The following SNX29 variants were observed in gnomAD, a reference collection of about 807,000 sequenced individuals.
SNX29 encodes the protein sorting nexin 29.
A neutral mutation model predicts 102.1 loss-of-function variants in SNX29; 78 were observed. The observed-to-expected ratio is 0.76, with a 90% confidence interval of 0.64 to 0.92. The LOEUF is 0.92. SNX29 is among the 40% of genes least tolerant of loss of function. SNX29 has a pLI of 0.00. For synonymous variants in SNX29, 580 were observed against 414.5 expected, an observed-to-expected ratio of 1.40 and a Z score of -4.85; for missense variants, 1,280 against 1,061.7, an observed-to-expected ratio of 1.21 and a Z score of -2.86.
chr16:12,548,599 G>C lies in SNX29; in HGVS notation c.2319-19907G>C, dbSNP rs1260120064. 2.6e-5 allele frequency among the ~76,000 whole-genome samples: 4 copies of C among 152,130 alleles called. No individual in the cohort carries two copies. In the East Asian group the frequency reaches 5.8e-4, roughly 22 times the overall value. On this transcript the variant is annotated intron_variant, in intron 20 of 20. Transcript: ENST00000566228. Reference sequence around the variant, plus strand: ...CCCTGTAAGTCCCACTCCAGGCCCGGGTACTCTGTCCAAGCCCCACAGCAG... The same window carrying C: ...CCCTGTAAGTCCCACTCCAGGCCCGCGTACTCTGTCCAAGCCCCACAGCAG...
chr16:12,377,647 A>G (rs1362224825), intron 16 of SNX29, among the ~76,000 whole-genome samples: 1 of 152,182 alleles, frequency 6.6e-6, no homozygotes, highest in African/African-American at 2.4e-5. Flanking sequence ...TAGGCAATCA[A>G]CAGATAGTAG....
intron 20 of SNX29, among the ~76,000 whole-genome samples, chr16:12,548,748 G>C (rs912912459): frequency 6.6e-6 from 1 of 152,158 alleles, no homozygotes; most frequent in Non-Finnish European, 1.5e-5. Context: ...GGTGTTTTCT[G>C]TGCTGAGCTC....
chr16:12,537,656 C>G (rs559427779), intron 20 of SNX29, among the ~76,000 whole-genome samples: 35 of 152,258 alleles, frequency 2.3e-4, no homozygotes, highest in African/African-American at 8.4e-4. Flanking sequence ...CAGTTGTTTG[C>G]CCTACTTCAT....
intron 18 of SNX29, among the ~76,000 whole-genome samples, chr16:12,473,008 A>T (rs1205538871): frequency 1.3e-5 from 2 of 152,140 alleles, no homozygotes; most frequent in Admixed American, 6.5e-5. Context: ...AGAAGAGGTC[A>T]ACTCTTTTTA....
At chr16:12,563,678 G>C (rs1479026658) in intron 20 of SNX29, among the ~76,000 whole-genome samples, 3 of 152,218 alleles carry the variant, frequency 2.0e-5, no homozygotes, top group Admixed American at 6.5e-5. Flanking sequence ...GAGAGCCCAT[G>C]ATGGGGTCTG....
intron 10 of SNX29, among the ~76,000 whole-genome samples, chr16:12,071,882 T>G (rs1012617750): frequency 2.0e-5 from 3 of 152,256 alleles, no homozygotes; most frequent in Non-Finnish European, 2.9e-5. Context: ...GAAGAGGTCC[T>G]TCACGTCCCT....
intron 3 of SNX29, among the ~76,000 whole-genome samples, chr16:12,006,145 G>A (rs1037685682): frequency 2.0e-5 from 3 of 151,492 alleles, no homozygotes; most frequent in Admixed American, 6.6e-5. Context: ...TCAAGGCTGC[G>A]GTGAGCTATG....
chr16:12,182,210 T>TA (rs1204271402), intron 13 of SNX29, among the ~76,000 whole-genome samples: 1 of 131,680 alleles, frequency 7.6e-6, no homozygotes, highest in African/African-American at 2.6e-5. Context: ...TTTTTTTTTT[T>TA]AATGGGGATT....
chr16:12,394,822 C>G (rs1184101065), intron 16 of SNX29, among the ~76,000 whole-genome samples: 2 of 152,224 alleles, frequency 1.3e-5, no homozygotes. Flanking sequence ...TCACAGTGAT[C>G]TCTCTTGTCC....
At chr16:12,403,291 C>T (rs1476278614) in intron 17 of SNX29, among the ~76,000 whole-genome samples, 157 bp from the exon 18 acceptor site, 1 of 148,488 alleles carries the variant, frequency 6.7e-6, no homozygotes, top group African/African-American at 2.5e-5. Context: ...TTAAACTTGT[C>T]CTTTAGCTTG....
chr16:12,233,869 T>C (rs2077844116), intron 14 of SNX29, among the ~76,000 whole-genome samples: 1 of 152,208 alleles, frequency 6.6e-6, no homozygotes, highest in African/African-American at 2.4e-5. Context: ...TGGCGGTTTG[T>C]GATAGGTTTC....
chr16:12,151,643 G>A (rs540168290), intron 13 of SNX29, among the ~76,000 whole-genome samples: 3 of 152,236 alleles, frequency 2.0e-5, no homozygotes, highest in African/African-American at 4.8e-5. Context: ...AGAGAGGGTG[G>A]TCCTCCACCT....
In SNX29 at chr16:12,055,635, G is replaced by C. The variant is rs564740155; in HGVS notation, c.1124+3413G>C. Among the ~76,000 whole-genome samples the C allele has an allele frequency of 7.2e-5, 11 of 152,296 alleles. No individual in the cohort carries two copies. The East Asian group carries it at 2.1e-3, about 29-fold the overall frequency. On this transcript the variant is annotated intron_variant, in intron 8 of 20. Transcript: ENST00000566228. ...ACTGGAGACCCAGGGAAGAGTTGCA[G>C]TTCAGGTCCAGAGGCAATCTGCTGG...
intron 16 of SNX29, among the ~76,000 whole-genome samples, chr16:12,380,784 C>CCCACCCACCAT (rs1215347126): frequency 3.3e-5 from 2 of 60,132 alleles, no homozygotes; most frequent in East Asian, 1.1e-3. Context: ...CATCCATCCA[C>CCCACCCACCAT]CCATCCACCC....
chr16:12,418,613 C>A (rs895758019), intron 18 of SNX29, among the ~76,000 whole-genome samples: 4 of 152,038 alleles, frequency 2.6e-5, no homozygotes, highest in Non-Finnish European at 5.9e-5. Flanking sequence ...CTCCCGGATT[C>A]AAGTGATTCT....
chr16:12,287,949 C>A (rs2079653018), intron 15 of SNX29, among the ~76,000 whole-genome samples: 1 of 152,168 alleles, frequency 6.6e-6, no homozygotes, highest in Non-Finnish European at 1.5e-5. Context: ...TTAGGTTTTT[C>A]ATGGCATTTT....
chr16:12,066,571 C>T (rs750923056), intron 9 of SNX29, among the ~76,000 whole-genome samples: 1 of 152,182 alleles, frequency 6.6e-6, no homozygotes, highest in East Asian at 1.9e-4. Context: ...GTCGTCTTCA[C>T]GGAGGTGAGA....
chr16:12,396,879 G>A (rs550702963), intron 16 of SNX29, among the ~76,000 whole-genome samples: 1 of 152,180 alleles, frequency 6.6e-6, no homozygotes, highest in Non-Finnish European at 1.5e-5. Context: ...GTACAAAAAA[G>A]TTCAAAATAG....
intron 14 of SNX29, among the ~76,000 whole-genome samples, chr16:12,249,748 G>T (rs1477852746): frequency 6.6e-6 from 1 of 152,186 alleles, no homozygotes; most frequent in Non-Finnish European, 1.5e-5. Flanking sequence ...ACATGTAAAA[G>T]TTCTTAGACT....
Sources: gnomAD v4.1 joint callset for allele counts (sites outside exome capture counted in the v4.1 genomes callset) on GRCh38, gnomAD v4.1.1 for gene constraint, MANE v1.5 for transcripts, NCBI Gene and HGNC (gene_info 2026-07-23, HGNC 2026-07-21) for gene names.